Variants in ATF7IP observed in about 807,000 individuals in gnomAD.
ATF7IP encodes activating transcription factor 7 interacting protein.
Under a neutral mutation model 106.4 loss-of-function variants are expected in ATF7IP, and 23 were observed. The observed-to-expected ratio is 0.22, with a 90% CI of 0.16 to 0.31. The LOEUF is 0.31. ATF7IP is among the 10% of genes least tolerant of loss of function. The pLI is 1.00. For synonymous variants in ATF7IP, 542 were observed against 539.0 expected (o/e 1.01, Z -0.08); for missense variants, 1,334 against 1,524.3 (o/e 0.88, Z 2.08).
intron 11 of ATF7IP, 145 bp from the exon 12 acceptor site, chr12:14,478,172 G>GT (rs1218512390): frequency 1.3e-6 from 1 of 745,070 alleles, no homozygotes; most frequent in Non-Finnish European, 2.2e-6. Context: ...AAAAATACAC[G>GT]TAAGTAAAAT....
chr12:14,447,822 A>G (rs1475428025), intron 6 of ATF7IP, among the ~76,000 whole-genome samples: 1 of 152,150 alleles, frequency 6.6e-6, no homozygotes, highest in Admixed American at 6.6e-5. Flanking sequence ...CAGAGATTAG[A>G]TTAAGTCACT....
chr12:14,401,377 A>G (rs930481776), intron 1 of ATF7IP, among the ~76,000 whole-genome samples: 1 of 151,994 alleles, frequency 6.6e-6, no homozygotes, highest in Non-Finnish European at 1.5e-5. Context: ...TTGTAATTTT[A>G]ATAGAGATGG....
chr12:14,470,278 C>T (rs1487597784), intron 10 of ATF7IP, among the ~76,000 whole-genome samples: 1 of 152,120 alleles, frequency 6.6e-6, no homozygotes, highest in African/African-American at 2.4e-5. Context: ...TGTTTGCTCT[C>T]TTGAAATTTT....
chr12:14,456,092 A>C (rs1459870014), intron 6 of ATF7IP, among the ~76,000 whole-genome samples: 1 of 152,186 alleles, frequency 6.6e-6, no homozygotes, highest in Non-Finnish European at 1.5e-5. Context: ...TTTTTAAAAA[A>C]CAACTTAAAA....
chr12:14,496,318 A>G lies in ATF7IP; in HGVS notation c.3368A>G (p.His1123Arg), dbSNP rs1273700749. The G allele has an allele frequency of 1.2e-6, 2 of 1,613,724 alleles. No homozygotes were observed. Reference sequence around the variant, plus strand: ...TCAACAGGACCTCAGCTCACAGTGCATCACCGACCACCACAAGTGCATACT... The same window carrying G: ...TCAACAGGACCTCAGCTCACAGTGCGTCACCGACCACCACAAGTGCATACT... ...LGSTGPQLTV[H>R]HRPPQVHTEP... The change falls in exon 14 of 15, where the codon CAT becomes CGT. Residue 1123 changes from histidine (H) to arginine (R), a missense_variant. Physicochemically the swap from His to Arg is conservative, Grantham distance 29. This residue lies in a region of ATF7IP where 370 missense variants were observed against 401.2 expected (regional missense o/e 0.92). Coordinates refer to ENST00000261168, the MANE Select transcript of ATF7IP (RefSeq NM_018179.5).
intron 6 of ATF7IP, among the ~76,000 whole-genome samples, chr12:14,452,426 T>G (rs1943241353): frequency 6.6e-6 from 1 of 152,186 alleles, no homozygotes; most frequent in South Asian, 2.1e-4. Flanking sequence ...TCTTGATTCC[T>G]TTGTGTTTCA....
At chr12:14,414,950 T>A (rs957055922) in intron 1 of ATF7IP, among the ~76,000 whole-genome samples, 4 of 152,214 alleles carry the variant, frequency 2.6e-5, no homozygotes, top group African/African-American at 9.7e-5. Flanking sequence ...TTTATTTTTT[T>A]AATGAGACCT....
intron 1 of ATF7IP, among the ~76,000 whole-genome samples, chr12:14,379,329 C>T (rs943623674): frequency 2.0e-5 from 3 of 152,124 alleles, no homozygotes; most frequent in Middle Eastern, 3.2e-3. Flanking sequence ...ACCCCAAGAA[C>T]CCGAGCAGAT....
chr12:14,458,027 T>G (rs1218880442), intron 8 of ATF7IP, among the ~76,000 whole-genome samples: 1 of 150,978 alleles, frequency 6.6e-6, no homozygotes, highest in Non-Finnish European at 1.5e-5. Context: ...ACCCGGGAAG[T>G]GGAGTTTGCG....
intron 2 of ATF7IP, among the ~76,000 whole-genome samples, chr12:14,432,159 G>A (rs917833025): frequency 6.6e-6 from 1 of 152,180 alleles, no homozygotes; most frequent in African/African-American, 2.4e-5. Context: ...ATTCTGCTGT[G>A]TTCTGGATGC....
At position 14,494,284 on chromosome 12, in the gene ATF7IP, A is replaced by AATATATAT. The variant is rs747194414; in HGVS notation, c.3281-1904_3281-1897dup. 6.4e-3 allele frequency among the ~76,000 whole-genome samples: 346 copies of AATATATAT among 53,676 alleles called. 1 individual carries two copies. The highest frequency in any genetic ancestry group is 0.014 in the East Asian group (15 of 1,064). The allele number at this position is 53,676 out of a possible 152,430, so 35.2% of individuals were successfully genotyped here. ...TTCTCTAGGGGGACAGAGCTAATAGAATATATATATATATATATATATATA... is the reference window on the plus strand; with the variant it reads ...TTCTCTAGGGGGACAGAGCTAATAGAATATATATATATATATATATATATATATATATA... On this transcript the variant is annotated intron_variant, in intron 13 of 14. Coordinates refer to ENST00000261168, the MANE Select transcript of ATF7IP (RefSeq NM_018179.5).
Position 14,466,551 on chromosome 12 carries a change from T to A in ATF7IP, c.2823T>A (p.Asp941Glu). ...AAAACCAGACAAACAAAACAATAGA[T>A]GCTTCTGTCAGTAAGAAAGCAGCTG... The part of the protein sequence containing the change: ...RIENQTNKTI[D>E]ASVSKKAADS... The change falls in exon 10 of 15, where the codon GAT (aspartate) becomes GAA (glutamate). Residue 941 changes from aspartate (D) to glutamate (E), a missense_variant. Physicochemically the swap from Asp to Glu is conservative, Grantham distance 45. Around this residue, in one of 10 missense-constraint regions of ATF7IP, gnomAD observed 370 missense variants for 401.2 expected, o/e 0.92. Transcript: ENST00000261168. 1 of 1,604,086 alleles carries A rather than the reference T, an allele frequency of 6.2e-7. No homozygotes were observed. Among genetic ancestry groups the A allele is most frequent in the Non-Finnish European group, 8.5e-7 (1 of 1,176,904 alleles).
chr12:14,402,901 A>G (rs1817707226), intron 1 of ATF7IP, among the ~76,000 whole-genome samples: 1 of 152,060 alleles, frequency 6.6e-6, no homozygotes, highest in Admixed American at 6.6e-5. Flanking sequence ...CCTGGCCTGA[A>G]TGTTTTCTTT....
chr12:14,453,877 G>A (rs897781732), intron 6 of ATF7IP, among the ~76,000 whole-genome samples: 1 of 152,030 alleles, frequency 6.6e-6, no homozygotes. Flanking sequence ...TGCCCGCCTC[G>A]GCCTCCCAAA....
chr12:14,476,469 T>C, intron 11 of ATF7IP: 1 of 139,402 alleles, frequency 7.2e-6, no homozygotes, highest in South Asian at 2.3e-4. Context: ...GTATGAACAA[T>C]GTGTAGAGGA....
At chr12:14,494,422 A>G (rs566609598) in intron 13 of ATF7IP, among the ~76,000 whole-genome samples, 70 of 143,456 alleles carry the variant, frequency 4.9e-4, no homozygotes, top group African/African-American at 1.5e-3. Flanking sequence ...TAGGATATAT[A>G]TATTTTATAT....
chr12:14,413,476 A>G (rs1487104157), intron 1 of ATF7IP, among the ~76,000 whole-genome samples: 1 of 152,184 alleles, frequency 6.6e-6, no homozygotes, highest in Non-Finnish European at 1.5e-5. Flanking sequence ...TTCTATTAAA[A>G]TGGTACCAAA....
intron 1 of ATF7IP, among the ~76,000 whole-genome samples, chr12:14,370,237 C>T (rs528276219): frequency 6.6e-6 from 1 of 152,150 alleles, no homozygotes; most frequent in African/African-American, 2.4e-5. Flanking sequence ...CGCCTGGCCT[C>T]CTATGTGCAT....
At chr12:14,388,834 T>A (rs1426690690) in intron 1 of ATF7IP, among the ~76,000 whole-genome samples, 2 of 152,162 alleles carry the variant, frequency 1.3e-5, no homozygotes, top group African/African-American at 4.8e-5. Context: ...GAGACGGGGT[T>A]TTATCATGTT....
Sources: gnomAD v4.1 joint callset for allele counts (sites outside exome capture counted in the v4.1 genomes callset) on GRCh38, gnomAD v4.1.1 for gene constraint, gnomAD v4.1.1 regional missense constraint, MANE v1.5 for transcripts, NCBI Gene and HGNC (gene_info 2026-07-23, HGNC 2026-07-21) for gene names.